RC3H2: variants seen among roughly 807,000 people sequenced by gnomAD.
The protein encoded by RC3H2 is ring finger and CCCH-type domains 2.
Under a neutral mutation model 133.3 loss-of-function variants are expected in RC3H2, and 31 were observed. The ratio of observed to expected loss-of-function variants is 0.23; its 90% CI spans 0.17 to 0.31. RC3H2 has a LOEUF of 0.31. Among genes scored for constraint, RC3H2 ranks in the 10% least tolerant of loss-of-function variants. RC3H2 has a pLI of 1.00. For synonymous variants in RC3H2, 517 were observed against 502.2 expected (o/e 1.03, Z -0.40); for missense variants, 1,175 against 1,437.2 (o/e 0.82, Z 2.95).
chr9:122,863,448 T>C (rs1313572045), intron 10 of RC3H2, among the ~76,000 whole-genome samples: 1 of 152,230 alleles, frequency 6.6e-6, no homozygotes, highest in African/African-American at 2.4e-5. Context: ...CTCCTCAATA[T>C]TCCATATAAT....
Position 122,905,166 on chromosome 9 carries a change from C to T in RC3H2, c.-124G>A. 1.0e-6 allele frequency: 1 copy of T among 985,492 alleles called. No individual in the cohort carries two copies. Among genetic ancestry groups the T allele is most frequent in the Non-Finnish European group, 1.2e-6 (1 of 829,966 alleles). The allele number at this position is 985,492 out of a possible 1,614,324, so 61.0% of individuals were successfully genotyped here. A position where few individuals can be genotyped will look rare whatever the true frequency, so the allele number is the denominator to read the frequency against. On this transcript the variant is annotated 5_prime_UTR_variant, in exon 1 of 21. Coordinates refer to ENST00000357244, the MANE Select transcript of RC3H2 (RefSeq NM_001100588.3). Reference sequence around the variant, plus strand: ...CGCTCCCGGGAGCCCCGCGACGGCGCGGCTTGGCGACGGAGGCGCCTCGTC... The same window carrying T: ...CGCTCCCGGGAGCCCCGCGACGGCGTGGCTTGGCGACGGAGGCGCCTCGTC...
At chr9:122,874,512 T>C (rs2131442404) in intron 9 of RC3H2, 1 of 147,784 alleles carries the variant, frequency 6.8e-6, no homozygotes, top group South Asian at 2.1e-4. Flanking sequence ...TATTATTTTA[T>C]TATTTTTATT....
At chr9:122,867,815 C>T (rs1199036895) in intron 9 of RC3H2, among the ~76,000 whole-genome samples, 1 of 106,378 alleles carries the variant, frequency 9.4e-6, no homozygotes, top group African/African-American at 3.9e-5. Context: ...AAGTGAGGAG[C>T]CCCTCCGCCC....
At chr9:122,851,779 G>A (rs1336993447) in intron 18 of RC3H2, among the ~76,000 whole-genome samples, 5 of 152,232 alleles carry the variant, frequency 3.3e-5, no homozygotes, top group Admixed American at 2.6e-4. Flanking sequence ...GATTGCAGAC[G>A]GAGTCTGGTT....
At chr9:122,897,627 G>A in intron 1 of RC3H2, 51 bp from the exon 2 acceptor site, 3 of 1,304,246 alleles carry the variant, frequency 2.3e-6, no homozygotes, top group South Asian at 3.1e-5. Flanking sequence ...ATTCACCTTT[G>A]AAGAGTTAAT....
rs1328949251 is a variant in RC3H2, at chr9:122,880,673, C to T, written c.881G>A (p.Arg294His). 1.2e-6 allele frequency: 2 copies of T among 1,613,966 alleles called. No homozygotes were observed. Among genetic ancestry groups the T allele is most frequent in the South Asian group, 1.1e-5 (1 of 91,080 alleles). The change falls in exon 6 of 21, where the codon CGT becomes CAT. Residue 294 changes from arginine to histidine, a missense_variant. Coordinates refer to ENST00000357244, the MANE Select transcript of RC3H2 (RefSeq NM_001100588.3). ...IVHIAMEAGL[R>H]ISPEQWSSLL... is the part of the protein sequence containing the mutation. ...AGAGGACCACTGTTCAGGTGAAATA[C>T]GGAGTCCTGCTTCCATGGCAATATG...
At chr9:122,859,515 A>T (rs1231456135) in intron 11 of RC3H2, among the ~76,000 whole-genome samples, 1 of 152,192 alleles carries the variant, frequency 6.6e-6, no homozygotes, top group Non-Finnish European at 1.5e-5. Context: ...CTTCTAGGGC[A>T]TCTATTGCCA....
chr9:122,905,086 G>C (rs945058399), intron 1 of RC3H2, 24 bp downstream of exon 1: 63 of 985,138 alleles, frequency 6.4e-5, no homozygotes, highest in Non-Finnish European at 7.5e-5. Flanking sequence ...GGCCCGAGCC[G>C]CATCGTGCCC....
intron 9 of RC3H2, among the ~76,000 whole-genome samples, chr9:122,868,180 G>A (rs1348473537): frequency 5.6e-4 from 82 of 147,420 alleles, no homozygotes; most frequent in Non-Finnish European, 5.3e-4. Flanking sequence ...GCCTCTGCCC[G>A]GCCGCCCCTA....
intron 4 of RC3H2, among the ~76,000 whole-genome samples, chr9:122,887,827 C>G (rs1210741269): frequency 6.7e-6 from 1 of 150,216 alleles, no homozygotes; most frequent in Non-Finnish European, 1.5e-5. Context: ...TCACTGCAAC[C>G]TCTGCCCCGA....
intron 10 of RC3H2, among the ~76,000 whole-genome samples, chr9:122,860,698 G>A (rs540087697): frequency 1.8e-4 from 27 of 151,656 alleles, no homozygotes; most frequent in South Asian, 1.0e-3. Flanking sequence ...ACAGGCATCA[G>A]CCACCGTGCC....
At chr9:122,874,927 A>G (rs750806868) in intron 9 of RC3H2, 1 of 417,476 alleles carries the variant, frequency 2.4e-6, no homozygotes, top group Non-Finnish European at 4.3e-6. Flanking sequence ...AAGGTATGAG[A>G]AAGAAGAAAA....
At position 122,905,340 on chromosome 9, in the gene RC3H2, G is replaced by C; in HGVS notation, c.-298C>G. The C allele has an allele frequency of 1.0e-6, 1 of 962,436 alleles. No individual in the cohort carries two copies. Among genetic ancestry groups the C allele is most frequent in the South Asian group, 4.8e-5 (1 of 20,860 alleles). 59.6% of individuals were successfully genotyped at this position (962,436 alleles called of 1,614,324 possible). A position where few individuals can be genotyped will look rare whatever the true frequency, so the allele number is the denominator to read the frequency against. On this transcript the variant is annotated 5_prime_UTR_variant, in exon 1 of 21. Coordinates refer to ENST00000357244, the MANE Select transcript of RC3H2 (RefSeq NM_001100588.3). ...TCCTCCTCCTCCTCCTCCTCACCAC[G>C]GAGGCGGACCTGGAGGGATCCCGAT...
chr9:122,871,573 T>C (rs1219437983), intron 9 of RC3H2, among the ~76,000 whole-genome samples: 2 of 151,648 alleles, frequency 1.3e-5, no homozygotes, highest in Non-Finnish European at 2.9e-5. Context: ...TCCGCCTGCC[T>C]CGGCCTCCCA....
At chr9:122,854,644 C>T (rs772959870) in intron 15 of RC3H2, 29 bp from the exon 16 acceptor site, 8 of 1,475,484 alleles carry the variant, frequency 5.4e-6, no homozygotes, top group Non-Finnish European at 7.6e-6. Flanking sequence ...AAACAATGGT[C>T]AAAAAAGTGA....
chr9:122,871,748 ATATT>A (rs1400860270), intron 9 of RC3H2, among the ~76,000 whole-genome samples: 1 of 151,188 alleles, frequency 6.6e-6, no homozygotes, highest in Non-Finnish European at 1.5e-5. Context: ...ATATTATGCT[ATATT>A]TATTTATTTC....
chr9:122,893,112 G>A (rs1282497040), intron 2 of RC3H2, 86 bp from the exon 3 acceptor site: 7 of 1,497,646 alleles, frequency 4.7e-6, no homozygotes, highest in Non-Finnish European at 6.3e-6. Context: ...AATAATCTTG[G>A]TGAGTATAAA....
At position 122,847,160 on chromosome 9, in the gene RC3H2, T is replaced by C. The variant is rs937015957; in HGVS notation, c.*2467A>G. The stretch of plus-strand genomic sequence containing the variant: ...GTATATACATATACTGATGCAAATG[T>C]AATTTCACTGGACAAGTAGGCAAAC... On this transcript the variant is annotated 3_prime_UTR_variant, in exon 21 of 21. Coordinates refer to ENST00000357244, the MANE Select transcript of RC3H2 (RefSeq NM_001100588.3). The C allele has an allele frequency of 6.6e-6, 1 of 152,160 alleles. No homozygotes were observed. The highest frequency in any genetic ancestry group is 2.4e-5 in the African/African-American group (1 of 41,454). The allele number at this position is 152,160 out of a possible 1,614,324, so 9.4% of individuals were successfully genotyped here.
intron 3 of RC3H2, among the ~76,000 whole-genome samples, chr9:122,891,765 G>A (rs921424639): frequency 6.6e-6 from 1 of 152,156 alleles, no homozygotes; most frequent in East Asian, 1.9e-4. Flanking sequence ...ACACAACAGT[G>A]CAAAGCATTC....
Sources: allele counts gnomAD v4.1 joint callset (sites outside exome capture counted in the v4.1 genomes callset), GRCh38; gene constraint gnomAD v4.1.1; transcripts MANE v1.5; gene names NCBI Gene and HGNC (gene_info 2026-07-23, HGNC 2026-07-21).